DMD: variants seen among roughly 807,000 people sequenced by gnomAD.
The protein encoded by DMD is dystrophin, also known as mutant dystrophin.
Under a neutral mutation model 330.1 loss-of-function variants are expected in DMD, and 63 were observed. The ratio of observed to expected loss-of-function variants is 0.19; its 90% confidence interval spans 0.16 to 0.24. The LOEUF (loss-of-function observed/expected upper bound fraction) is 0.24. DMD is among the 10% of genes least tolerant of loss of function. DMD has a pLI of 1.00. For missense variants in DMD, 3,344 were observed against 2,684.1 expected (o/e 1.25, Z -5.43); for synonymous variants, 1,223 against 959.8 (o/e 1.27, Z -5.07).
intron 2 of DMD, among the ~76,000 whole-genome samples, chrX:32,909,792 G>GAAATTAATGT (rs1395945056): frequency 8.9e-6 from 1 of 112,120 alleles, no homozygotes; most frequent in East Asian, 2.8e-4. Context: ...AGTGGGAAAC[G>GAAATTAATGT]AAATTAATGT....
intron 55 of DMD, among the ~76,000 whole-genome samples, chrX:31,520,959 G>A (rs1414261478): frequency 9.0e-6 from 1 of 110,634 alleles, no homozygotes; most frequent in Non-Finnish European, 1.9e-5. Flanking sequence ...GATTACAGGC[G>A]TTGAGCCACC....
intron 29 of DMD, among the ~76,000 whole-genome samples, chrX:32,413,215 C>T (rs2098151104): frequency 9.0e-6 from 1 of 110,897 alleles, no homozygotes; most frequent in Admixed American, 9.7e-5. Flanking sequence ...CATGTTATCT[C>T]ACCCTATTGG....
intron 45 of DMD, among the ~76,000 whole-genome samples, chrX:31,932,641 G>A (rs1343664723): frequency 9.0e-6 from 1 of 111,419 alleles, no homozygotes; most frequent in Non-Finnish European, 1.9e-5. Context: ...AGCTACTAGG[G>A]AGGCTGAGGC....
In DMD at chrX:32,491,147, C is replaced by T. The variant is rs962394669; in HGVS notation, c.2622+130G>A. 5.8e-6 allele frequency: 5 copies of T among 857,741 alleles called. No individual in the cohort carries two copies. In the African/African-American group the frequency reaches 8.0e-5, roughly 14 times the overall value. 70.7% of individuals were successfully genotyped at this position (857,741 alleles called of 1,213,427 possible). A position where few individuals can be genotyped will look rare whatever the true frequency, so the allele number is the denominator to read the frequency against. ...AGATTTCTGTTGCTTACATTTTGAA[C>T]TTTATTGCGCTTAGCTAAATCCTTA... On this transcript the variant is annotated intron_variant, in intron 20 of 78. Coordinates refer to ENST00000357033, the MANE Select transcript of DMD (RefSeq NM_004006.3).
chrX:32,713,451 G>A (rs746181121), intron 7 of DMD, among the ~76,000 whole-genome samples: 10 of 111,314 alleles, frequency 9.0e-5, no homozygotes, highest in African/African-American at 3.3e-4. Flanking sequence ...CTCCAGAGCT[G>A]CATAATGTAG....
chrX:32,647,065 A>G (rs1381069284), intron 9 of DMD, among the ~76,000 whole-genome samples: 1 of 111,468 alleles, frequency 9.0e-6, no homozygotes, highest in Non-Finnish European at 1.9e-5. Context: ...AGGCAGCCTG[A>G]GAGATGTGCG....
intron 43 of DMD, among the ~76,000 whole-genome samples, chrX:32,277,759 C>A (rs1026109648): frequency 3.6e-5 from 4 of 110,638 alleles, no homozygotes; most frequent in Non-Finnish European, 7.6e-5. Flanking sequence ...TGAAAAATGT[C>A]TTCAAAAAAT....
intron 44 of DMD, among the ~76,000 whole-genome samples, chrX:32,115,150 G>A (rs995351840): frequency 9.0e-6 from 1 of 110,775 alleles, no homozygotes; most frequent in Admixed American, 9.7e-5. Flanking sequence ...GTCAATTCTC[G>A]GGCTCTTTTC....
At chrX:32,111,411 A>G (rs1260734790) in intron 44 of DMD, among the ~76,000 whole-genome samples, 1 of 112,155 alleles carries the variant, frequency 8.9e-6, no homozygotes, top group Non-Finnish European at 1.9e-5. Context: ...TCTTAAGGAT[A>G]ACAGTAGAAT....
At chrX:32,206,475 A>T in intron 44 of DMD, 1 of 553,888 alleles carries the variant, frequency 1.8e-6, no homozygotes, top group African/African-American at 2.2e-5. Flanking sequence ...AAATGCACAA[A>T]AGTCAAATCG....
intron 1 of DMD, among the ~76,000 whole-genome samples, chrX:33,220,487 A>G (rs1368167160): frequency 8.9e-6 from 1 of 111,899 alleles, no homozygotes; most frequent in Non-Finnish European, 1.9e-5. Context: ...TATATCTCAG[A>G]TTATTTAAAA....
At chrX:32,624,963 G>C (rs751272830) in intron 11 of DMD, among the ~76,000 whole-genome samples, 39 of 111,199 alleles carry the variant, frequency 3.5e-4, no homozygotes, top group Non-Finnish European at 6.4e-4. Flanking sequence ...ACAAGGTCAG[G>C]AGTTCGAAAG....
chrX:31,234,759 G>A (rs187315032), intron 63 of DMD, among the ~76,000 whole-genome samples: 2 of 111,835 alleles, frequency 1.8e-5, no homozygotes, highest in African/African-American at 3.2e-5. Context: ...AGAGATGGAC[G>A]GTAAAGTGGT....
intron 11 of DMD, among the ~76,000 whole-genome samples, chrX:32,642,296 C>G (rs1394446845): frequency 6.2e-5 from 7 of 112,237 alleles, no homozygotes; most frequent in Non-Finnish European, 5.6e-5. Context: ...ATGTACGTGT[C>G]TCATTTTAAA....
intron 17 of DMD, among the ~76,000 whole-genome samples, chrX:32,536,264 CAAAAA>C (rs1191335690): frequency 3.0e-4 from 11 of 36,359 alleles, no homozygotes; most frequent in African/African-American, 1.3e-3. Context: ...ACTCCGTCTC[CAAAAA>C]AAAAAAAAAA....
At chrX:33,168,108 C>CATGTGTGTGTGTGTTTGTGT (rs1412082670) in intron 1 of DMD, among the ~76,000 whole-genome samples, 1 of 109,060 alleles carries the variant, frequency 9.2e-6, no homozygotes, top group African/African-American at 3.3e-5. Flanking sequence ...AGCGTGTGTG[C>CATGTGTGTGTGTGTTTGTGT]ATGTGTGTGT....
chrX:32,370,478 C>A (rs1433279753), intron 34 of DMD, among the ~76,000 whole-genome samples: 1 of 110,836 alleles, frequency 9.0e-6, no homozygotes, highest in African/African-American at 3.3e-5. Flanking sequence ...TTTAATAACA[C>A]TGTATTGTTT....
intron 57 of DMD, among the ~76,000 whole-genome samples, chrX:31,482,131 T>G (rs928323555): frequency 9.1e-6 from 1 of 109,838 alleles, no homozygotes; most frequent in Non-Finnish European, 1.9e-5. Context: ...TGTAAGGTAA[T>G]TAAATGAAAT....
At chrX:32,662,111 T>G (rs970128329) in intron 9 of DMD, among the ~76,000 whole-genome samples, 2 of 111,669 alleles carry the variant, frequency 1.8e-5, no homozygotes, top group Non-Finnish European at 3.8e-5. Context: ...TAGCCTCTAG[T>G]GGAATCAGCT....
Sources: gnomAD v4.1 joint callset for allele counts (sites outside exome capture counted in the v4.1 genomes callset) on GRCh38, gnomAD v4.1.1 for gene constraint, MANE v1.5 for transcripts, NCBI Gene and HGNC (gene_info 2026-07-23, HGNC 2026-07-21) for gene names.